The following SYNE1 variants were observed in gnomAD, a reference collection of about 807,000 sequenced individuals.
SYNE1 encodes the protein spectrin repeat containing nuclear envelope protein 1.
Under a neutral mutation model 1,111.0 loss-of-function variants are expected in SYNE1, and 616 were observed. That is an observed-to-expected ratio of 0.55 (90% CI 0.52 to 0.59). The LOEUF is 0.59. Among genes scored for constraint, SYNE1 ranks in the 20% least tolerant of loss-of-function variants. SYNE1 has a pLI of 0.00. For synonymous variants in SYNE1, 3,855 were observed against 3,825.8 expected, an observed-to-expected ratio of 1.01 and a Z score of -0.28; for missense variants, 10,006 against 10,417.0, an observed-to-expected ratio of 0.96 and a Z score of 1.72.
In SYNE1 at chr6:152,447,400, G is replaced by A. The variant is rs1036642286; in HGVS notation, c.3669+58C>T. The A allele has an allele frequency of 5.7e-6, 9 of 1,585,584 alleles. No homozygotes were observed. The Admixed American group carries it at 8.5e-5, about 15-fold the overall frequency. On this transcript the variant is annotated intron_variant, in intron 29 of 145. Coordinates refer to ENST00000367255, the MANE Select transcript of SYNE1 (RefSeq NM_182961.4). The stretch of plus-strand genomic sequence containing the variant: ...TGCTAAACTACAACCAGAAGAAAAA[G>A]AACCTTCCAGATGCCTCACTCAGAA...
intron 40 of SYNE1, among the ~76,000 whole-genome samples, chr6:152,417,840 T>A (rs1371635428): frequency 6.6e-6 from 1 of 152,202 alleles, no homozygotes; most frequent in Non-Finnish European, 1.5e-5. Context: ...TTTAAAAATC[T>A]AAATGTTTAA....
At chr6:152,320,091 G>A (rs548584390) in intron 84 of SYNE1, 1 of 152,244 alleles carries the variant, frequency 6.6e-6, no homozygotes, top group Non-Finnish European at 1.5e-5. Context: ...TTAAACCCAG[G>A]AGGTTGCAGT....
At chr6:152,299,858 T>A (rs2095080693) in intron 93 of SYNE1, among the ~76,000 whole-genome samples, 1 of 152,260 alleles carries the variant, frequency 6.6e-6, no homozygotes, top group South Asian at 2.1e-4. Flanking sequence ...TTTGAAAAAA[T>A]GTAATTTCAT....
intron 55 of SYNE1, among the ~76,000 whole-genome samples, chr6:152,384,131 T>C (rs2097481049): frequency 6.6e-6 from 1 of 152,214 alleles, no homozygotes; most frequent in East Asian, 1.9e-4. Context: ...ACAGGTACTA[T>C]TTTCATGTAT....
intron 72 of SYNE1, 77 bp from the exon 73 acceptor site, chr6:152,347,312 T>A (rs2154025895): frequency 1.3e-6 from 2 of 1,501,690 alleles, no homozygotes; most frequent in Non-Finnish European, 1.8e-6. Context: ...TAAGATAGAT[T>A]ATTTCACTGT....
chr6:152,321,332 T>A lies in SYNE1; in HGVS notation c.16142A>T (p.Gln5381Leu). 6.2e-7 allele frequency: 1 copy of A among 1,613,972 alleles called. No homozygotes were observed. Among genetic ancestry groups the A allele is most frequent in the Non-Finnish European group, 8.5e-7 (1 of 1,179,914 alleles). ...ATAAAGACCTAAGTACTTCTCCTTC[T>A]GTTCTTCTGCCATTTTTTCAATGTT... ...RQNIEKMAEE[Q>L]KEKYLGLYTI... is the part of the protein sequence containing the mutation. The change falls in exon 84 of 146, where the codon CAG becomes CTG. Residue 5381 changes from glutamine (Q) to leucine (L), a missense_variant. By Grantham distance (113) the Gln-to-Leu change is moderately radical. Coordinates refer to ENST00000367255, the MANE Select transcript of SYNE1 (RefSeq NM_182961.4).
chr6:152,164,365 G>C (rs1340500032), intron 130 of SYNE1, 40 bp from the exon 131 acceptor site: 1 of 1,612,446 alleles, frequency 6.2e-7, no homozygotes. Flanking sequence ...TTCAGCGAGA[G>C]GCCCACTCAT....
chr6:152,507,089 T>A (rs1242247544), intron 8 of SYNE1, among the ~76,000 whole-genome samples: 2 of 152,206 alleles, frequency 1.3e-5, no homozygotes, highest in African/African-American at 2.4e-5. Flanking sequence ...AGTACAGATA[T>A]AATTTTTTTC....
intron 51 of SYNE1, among the ~76,000 whole-genome samples, chr6:152,391,916 A>G (rs1398668722): frequency 6.6e-6 from 1 of 152,136 alleles, no homozygotes; most frequent in Admixed American, 6.5e-5. Context: ...CTGCATTCCT[A>G]TTTAATGGTC....
chr6:152,155,331 C>A (rs2152946702), intron 132 of SYNE1: 2 of 401,478 alleles, frequency 5.0e-6, no homozygotes, highest in Non-Finnish European at 9.3e-6. Context: ...AATGTGTGCA[C>A]CAAGTTTAGA....
At chr6:152,533,057 A>G (rs769484469) in intron 4 of SYNE1, among the ~76,000 whole-genome samples, 2 of 152,206 alleles carry the variant, frequency 1.3e-5, no homozygotes, top group Non-Finnish European at 2.9e-5. Context: ...GTAGTCAAAT[A>G]AAATTAATGT....
chr6:152,359,274 T>G (rs2096891455), intron 65 of SYNE1, 41 bp downstream of exon 65: 2 of 1,612,590 alleles, frequency 1.2e-6, no homozygotes, highest in Non-Finnish European at 1.7e-6. Flanking sequence ...CTCCAAACAC[T>G]CCCCTTTTGG....
At chr6:152,136,964 C>T (rs1427836353) in intron 140 of SYNE1, 146 bp from the exon 141 acceptor site, 4 of 794,776 alleles carry the variant, frequency 5.0e-6, no homozygotes, top group Non-Finnish European at 8.4e-6. Flanking sequence ...GTGCGTACCA[C>T]TGAGAACTGT....
At chr6:152,599,238 C>G (rs1284912093) in intron 3 of SYNE1, among the ~76,000 whole-genome samples, 1 of 152,188 alleles carries the variant, frequency 6.6e-6, no homozygotes, top group African/African-American at 2.4e-5. Context: ...CTACACAAGC[C>G]TGCCAAGGAA....
At chr6:152,155,834 C>T (rs2152951048) in intron 132 of SYNE1, 76 bp downstream of exon 132, 1 of 1,553,794 alleles carries the variant, frequency 6.4e-7, no homozygotes, top group Non-Finnish European at 8.8e-7. Flanking sequence ...AAAGAGTGAA[C>T]AGTGGATACT....
intron 74 of SYNE1, among the ~76,000 whole-genome samples, chr6:152,339,683 G>A (rs886853914): frequency 1.3e-5 from 2 of 152,202 alleles, no homozygotes; most frequent in African/African-American, 4.8e-5. Context: ...CCATTCCAGA[G>A]AAAGAATTTG....
At chr6:152,625,235 C>T (rs2099683437) in intron 3 of SYNE1, among the ~76,000 whole-genome samples, 1 of 152,184 alleles carries the variant, frequency 6.6e-6, no homozygotes, top group Admixed American at 6.5e-5. Context: ...AGCAGGGTTA[C>T]TAAATACCCT....
At chr6:152,605,063 AGGGAGGG>A (rs1565143125) in intron 3 of SYNE1, among the ~76,000 whole-genome samples, 12 of 49,726 alleles carry the variant, frequency 2.4e-4, no homozygotes, top group African/African-American at 3.9e-4. Context: ...GGAGGGAGGG[AGGGAGGG>A]AGGAAAGAAG....
chr6:152,430,431 C>G lies in SYNE1; in HGVS notation c.4689+51G>C, dbSNP rs80225287. ...GTAAAGTATTTATTGCACTTACCCA[C>G]AAATACAATGTGAAATATGTAAACT... is the stretch of plus-strand genomic sequence containing the variant. On this transcript the variant is annotated intron_variant, in intron 35 of 145. Coordinates refer to ENST00000367255, the MANE Select transcript of SYNE1 (RefSeq NM_182961.4). 4.7e-3 allele frequency: 7,097 copies of G among 1,513,628 alleles called. 306 individuals carry two copies. In the African/African-American group the frequency reaches 0.084, roughly 18 times the overall value. The allele number at this position is 1,513,628 out of a possible 1,614,324, so 93.8% of individuals were successfully genotyped here.
Sources: allele counts gnomAD v4.1 joint callset (sites outside exome capture counted in the v4.1 genomes callset), GRCh38; gene constraint gnomAD v4.1.1; transcripts MANE v1.5; gene names NCBI Gene and HGNC (gene_info 2026-07-23, HGNC 2026-07-21).